The following CNTN5 variants were observed in gnomAD, a reference collection of about 807,000 sequenced individuals.
CNTN5 encodes contactin 5, also known as contactin-5.
CNTN5 carries 77 observed loss-of-function variants against 129.1 expected under a neutral mutation model. The ratio of observed to expected loss-of-function variants is 0.60; its 90% CI spans 0.50 to 0.72. CNTN5 has a LOEUF of 0.72. Among genes scored for constraint, CNTN5 ranks in the 30% least tolerant of loss-of-function variants. The probability of loss-of-function intolerance (pLI) is 0.00; values close to 1 mark genes in which losing one functional copy is unlikely to be tolerated. For synonymous variants in CNTN5, 509 were observed against 465.6 expected (o/e 1.09, Z -1.20); for missense variants, 1,478 against 1,328.8 (o/e 1.11, Z -1.75).
At chr11:99,726,506 G>C in intron 3 of CNTN5, among the ~76,000 whole-genome samples, 1 of 152,024 alleles carries the variant, frequency 6.6e-6, no homozygotes, top group East Asian at 1.9e-4. Flanking sequence ...AATTACTGTG[G>C]ATTATTTACT....
chr11:99,413,351 G>T (rs1942485632), intron 2 of CNTN5, among the ~76,000 whole-genome samples: 1 of 152,196 alleles, frequency 6.6e-6, no homozygotes, highest in South Asian at 2.1e-4. Flanking sequence ...GGGCACAGGG[G>T]CTCAGGCCTG....
intron 1 of CNTN5, among the ~76,000 whole-genome samples, chr11:99,024,945 A>G (rs1225193266): frequency 2.0e-5 from 3 of 152,026 alleles, no homozygotes; most frequent in Admixed American, 6.6e-5. Flanking sequence ...AACGTTTCAG[A>G]AAATGTTTCA....
chr11:99,538,135 C>G (rs1466664475), intron 2 of CNTN5, among the ~76,000 whole-genome samples: 1 of 152,134 alleles, frequency 6.6e-6, no homozygotes, highest in East Asian at 1.9e-4. Context: ...AACCTTGAGA[C>G]AGTATTTTAA....
chr11:99,513,701 T>A (rs1238202755), intron 2 of CNTN5, among the ~76,000 whole-genome samples: 2 of 151,012 alleles, frequency 1.3e-5, no homozygotes, highest in Non-Finnish European at 2.9e-5. Flanking sequence ...TACCAAATAT[T>A]TTAAACCCAC....
intron 3 of CNTN5, among the ~76,000 whole-genome samples, chr11:99,710,382 T>A (rs6590280): frequency 6.6e-6 from 1 of 151,872 alleles, no homozygotes; most frequent in Admixed American, 6.6e-5. Context: ...CTCATAAAAC[T>A]ACTACAGCCA....
chr11:100,103,543 A>G (rs1418120412), intron 13 of CNTN5, among the ~76,000 whole-genome samples: 1 of 152,172 alleles, frequency 6.6e-6, no homozygotes, highest in Non-Finnish European at 1.5e-5. Flanking sequence ...AGTTTGATGT[A>G]GCTATTTCCT....
At chr11:100,262,098 A>G (rs2138750341) in intron 17 of CNTN5, among the ~76,000 whole-genome samples, 1 of 152,330 alleles carries the variant, frequency 6.6e-6, no homozygotes, top group African/African-American at 2.4e-5. Flanking sequence ...AAACAAATTT[A>G]CAAGAAAAAA....
intron 1 of CNTN5, among the ~76,000 whole-genome samples, chr11:99,050,994 C>T (rs1239229989): frequency 6.6e-6 from 1 of 151,780 alleles, no homozygotes. Context: ...CATAAGCATA[C>T]ATGTATATTA....
intron 3 of CNTN5, among the ~76,000 whole-genome samples, chr11:99,786,889 A>G (rs1484417971): frequency 6.6e-6 from 1 of 152,192 alleles, no homozygotes; most frequent in Admixed American, 6.5e-5. Context: ...AAGAACTTTC[A>G]TTCAGTTTAC....
intron 10 of CNTN5, among the ~76,000 whole-genome samples, chr11:100,065,150 G>T (rs908512647): frequency 5.9e-5 from 9 of 152,048 alleles, no homozygotes; most frequent in African/African-American, 2.2e-4. Flanking sequence ...TCCAGTAAAG[G>T]AATACAGTTT....
chr11:99,827,671 A>G (rs1398986558), intron 4 of CNTN5, among the ~76,000 whole-genome samples: 1 of 152,220 alleles, frequency 6.6e-6, no homozygotes, highest in Non-Finnish European at 1.5e-5. Context: ...TAACTTACAC[A>G]TAGCTTTGTT....
intron 15 of CNTN5, among the ~76,000 whole-genome samples, chr11:100,219,600 G>T (rs1949218996): frequency 6.6e-6 from 1 of 152,082 alleles, no homozygotes; most frequent in Non-Finnish European, 1.5e-5. Context: ...TCAACAAATA[G>T]AACTGTTTCT....
chr11:99,442,768 A>C (rs1943891594), intron 2 of CNTN5, among the ~76,000 whole-genome samples: 1 of 152,238 alleles, frequency 6.6e-6, no homozygotes. Context: ...AAAAGGAAGC[A>C]GAGATGATAT....
intron 2 of CNTN5, among the ~76,000 whole-genome samples, chr11:99,417,748 T>G (rs1267139858): frequency 1.3e-5 from 2 of 152,302 alleles, no homozygotes; most frequent in East Asian, 1.9e-4. Flanking sequence ...GGATTTTTAT[T>G]TATTACTTTT....
chr11:99,627,963 C>T (rs1415003276), intron 3 of CNTN5, among the ~76,000 whole-genome samples: 2 of 149,752 alleles, frequency 1.3e-5, no homozygotes, highest in Non-Finnish European at 3.0e-5. Context: ...CATTCAGCTA[C>T]AAATTGTAGG....
rs551967220 is a variant in CNTN5, at chr11:100,054,328, C to A, written c.981-6884C>A. Among the ~76,000 whole-genome samples, 19 of 151,870 alleles carry A rather than the reference C, an allele frequency of 1.3e-4. 1 individual carries two copies. In the South Asian group the frequency reaches 2.5e-3, roughly 20 times the overall value. ...ACAGGCAGTGATGGAGAATTAAGAACAGTTTTTCAATTAATCTGCTATACT... is the reference window on the plus strand; with the variant it reads ...ACAGGCAGTGATGGAGAATTAAGAAAAGTTTTTCAATTAATCTGCTATACT... On this transcript the variant is annotated intron_variant, in intron 9 of 24. Transcript: ENST00000524871.
intron 2 of CNTN5, among the ~76,000 whole-genome samples, chr11:99,399,414 T>C (rs1193472665): frequency 6.6e-6 from 1 of 151,724 alleles, no homozygotes; most frequent in Non-Finnish European, 1.5e-5. Context: ...GAAATTTATA[T>C]TTAATTCACA....
At chr11:100,279,759 A>G (rs561647657) in intron 18 of CNTN5, among the ~76,000 whole-genome samples, 3 of 151,214 alleles carry the variant, frequency 2.0e-5, no homozygotes, top group African/African-American at 7.3e-5. Flanking sequence ...TTTTTGTTCT[A>G]TTGATCTTTT....
At chr11:99,375,232 G>C (rs1218548186) in intron 2 of CNTN5, among the ~76,000 whole-genome samples, 1 of 139,566 alleles carries the variant, frequency 7.2e-6, no homozygotes, top group Non-Finnish European at 1.5e-5. Context: ...GAATCCAGGA[G>C]GCAAAGGTTG....
Sources: allele counts gnomAD v4.1 joint callset (sites outside exome capture counted in the v4.1 genomes callset), GRCh38; gene constraint gnomAD v4.1.1; transcripts MANE v1.5; gene names NCBI Gene and HGNC (gene_info 2026-07-23, HGNC 2026-07-21).